Variants in BMPER observed in about 807,000 individuals in gnomAD.
BMPER encodes BMP binding endothelial regulator.
In BMPER, 45 loss-of-function variants were observed where a neutral mutation model predicts 87.3. The observed-to-expected ratio is 0.52, with a 90% CI of 0.41 to 0.66. The LOEUF (loss-of-function observed/expected upper bound fraction) is 0.66, where lower values mean the gene tolerates loss of function less well. Ranked by LOEUF, BMPER falls within the 30% of genes least tolerant of loss-of-function variation. BMPER has a pLI of 0.00. For synonymous variants in BMPER, 326 were observed against 316.2 expected (o/e 1.03, Z -0.33); for missense variants, 784 against 867.5 (o/e 0.90, Z 1.21).
intron 13 of BMPER, among the ~76,000 whole-genome samples, chr7:34,138,744 G>C (rs1242247208): frequency 1.3e-5 from 2 of 152,188 alleles, no homozygotes; most frequent in Admixed American, 1.3e-4. Context: ...CACCTGCAGA[G>C]CTTTCCTGGA....
At chr7:34,055,415 A>G (rs193234527) in intron 9 of BMPER, 112 bp downstream of exon 9, 2 of 1,282,670 alleles carry the variant, frequency 1.6e-6, no homozygotes, top group Non-Finnish European at 2.3e-6. Context: ...ACATATACAA[A>G]TGTATATGTG....
At chr7:34,117,548 A>G (rs971454040) in intron 13 of BMPER, among the ~76,000 whole-genome samples, 12 of 152,218 alleles carry the variant, frequency 7.9e-5, no homozygotes, top group African/African-American at 2.4e-4. Flanking sequence ...CCATAAAACC[A>G]TTATGCTCTC....
intron 2 of BMPER, among the ~76,000 whole-genome samples, chr7:33,932,825 A>G (rs950868513): frequency 1.3e-5 from 2 of 152,162 alleles, no homozygotes; most frequent in Non-Finnish European, 2.9e-5. Flanking sequence ...TACGTTCAAG[A>G]CATTGGGGCT....
rs1220166938 is a variant in BMPER at position 34,152,714 on chromosome 7, A to G, written c.1877-378A>G. Among the ~76,000 whole-genome samples the G allele has an allele frequency of 3.9e-5, 6 of 152,196 alleles. No homozygotes were observed. In the East Asian group the frequency reaches 1.2e-3, roughly 29 times the overall value. On this transcript the variant is annotated intron_variant, in intron 14 of 14. Coordinates refer to ENST00000649409, the MANE Select transcript of BMPER (RefSeq NM_001365308.1). ...TATTTGAATATTGATGTAGTTGCAC[A>G]AAATATTCCTATTCATCACAGCTCA...
At chr7:34,063,572 C>T (rs528724225) in intron 11 of BMPER, among the ~76,000 whole-genome samples, 1 of 152,202 alleles carries the variant, frequency 6.6e-6, no homozygotes, top group East Asian at 1.9e-4. Flanking sequence ...TAATGAAGTA[C>T]ATAAAATAAC....
chr7:33,982,294 G>A (rs1257773223), intron 6 of BMPER, among the ~76,000 whole-genome samples: 2 of 152,080 alleles, frequency 1.3e-5, no homozygotes, highest in East Asian at 3.9e-4. Context: ...CCCTGTCCAC[G>A]GGGAGAAATT....
intron 3 of BMPER, among the ~76,000 whole-genome samples, chr7:33,943,362 A>G (rs1298020805): frequency 6.6e-6 from 1 of 152,214 alleles, no homozygotes; most frequent in Non-Finnish European, 1.5e-5. Context: ...AAAATCAACA[A>G]CAATGTGACT....
intron 6 of BMPER, among the ~76,000 whole-genome samples, chr7:34,027,532 C>A (rs1787387968): frequency 6.6e-6 from 1 of 152,030 alleles, no homozygotes; most frequent in South Asian, 2.1e-4. Context: ...TATTGAAATT[C>A]AGTGAATATC....
chr7:34,011,601 A>G (rs1251437894), intron 6 of BMPER, among the ~76,000 whole-genome samples: 10 of 148,930 alleles, frequency 6.7e-5, no homozygotes, highest in East Asian at 2.0e-4. Context: ...AAAAAAAAAA[A>G]AAAGAAAAAA....
chr7:33,995,963 T>A (rs1786399606), intron 6 of BMPER, among the ~76,000 whole-genome samples: 1 of 152,188 alleles, frequency 6.6e-6, no homozygotes, highest in Admixed American at 6.5e-5. Flanking sequence ...AGCAAATAAG[T>A]GTACAGCTCC....
intron 14 of BMPER, among the ~76,000 whole-genome samples, chr7:34,152,149 A>G (rs1275049593): frequency 1.3e-5 from 2 of 152,198 alleles, no homozygotes; most frequent in African/African-American, 2.4e-5. Context: ...CAGCATAAAC[A>G]ATAGAGGCAT....
intron 6 of BMPER, among the ~76,000 whole-genome samples, chr7:33,977,425 C>T (rs1262327120): frequency 1.3e-5 from 2 of 152,150 alleles, no homozygotes; most frequent in Non-Finnish European, 2.9e-5. Flanking sequence ...GTTGCCCTGG[C>T]AGCCTGCTTG....
At chr7:34,104,246 T>TA (rs2127983793) in intron 13 of BMPER, among the ~76,000 whole-genome samples, 1 of 152,356 alleles carries the variant, frequency 6.6e-6, no homozygotes, top group African/African-American at 2.4e-5. Context: ...TTTTATGCAC[T>TA]AATTCCATTT....
At chr7:33,995,598 T>C (rs1366160705) in intron 6 of BMPER, among the ~76,000 whole-genome samples, 2 of 152,090 alleles carry the variant, frequency 1.3e-5, no homozygotes, top group Non-Finnish European at 2.9e-5. Flanking sequence ...AACCAGGCCA[T>C]GTAAGATTGA....
intron 13 of BMPER, among the ~76,000 whole-genome samples, chr7:34,131,505 G>A (rs2127991726): frequency 6.6e-6 from 1 of 152,326 alleles, no homozygotes; most frequent in East Asian, 1.9e-4. Context: ...TTGTGCCTTT[G>A]CCTGTTTGTG....
intron 6 of BMPER, among the ~76,000 whole-genome samples, chr7:34,004,052 A>G (rs551889820): frequency 6.6e-6 from 1 of 152,216 alleles, no homozygotes; most frequent in East Asian, 1.9e-4. Context: ...TACACTTAGT[A>G]GCGTTCCACA....
intron 13 of BMPER, among the ~76,000 whole-genome samples, chr7:34,141,022 G>C (rs1790852045): frequency 6.6e-6 from 1 of 152,016 alleles, no homozygotes; most frequent in South Asian, 2.1e-4. Flanking sequence ...AGTAGGAATG[G>C]GATTACAGGT....
chr7:34,044,434 C>T (rs1787907665), intron 6 of BMPER, among the ~76,000 whole-genome samples: 1 of 152,120 alleles, frequency 6.6e-6, no homozygotes, highest in South Asian at 2.1e-4. Flanking sequence ...CTTGTGTGGC[C>T]CGAGGCTTCA....
chr7:34,076,803 G>A (rs901760927), intron 11 of BMPER, among the ~76,000 whole-genome samples: 3 of 152,112 alleles, frequency 2.0e-5, no homozygotes, highest in African/African-American at 4.8e-5. Context: ...TGGGCAGCAG[G>A]TTGTGGGCAT....
Sources: gnomAD v4.1 joint callset for allele counts (sites outside exome capture counted in the v4.1 genomes callset) on GRCh38, gnomAD v4.1.1 for gene constraint, MANE v1.5 for transcripts, NCBI Gene and HGNC (gene_info 2026-07-23, HGNC 2026-07-21) for gene names.